RRP1: variants seen among roughly 807,000 people sequenced by gnomAD.
RRP1 encodes the protein ribosomal RNA processing 1.
A neutral mutation model predicts 54.6 loss-of-function variants in RRP1; 37 were observed. The observed-to-expected ratio is 0.68, with a 90% CI of 0.52 to 0.89. The LOEUF (loss-of-function observed/expected upper bound fraction) is 0.89. Among genes scored for constraint, RRP1 ranks in the 40% least tolerant of loss-of-function variants. The pLI, the probability that RRP1 is intolerant of heterozygous loss-of-function variation, is 0.00. For missense variants in RRP1, 639 were observed against 612.5 expected (o/e 1.04, Z -0.46); for synonymous variants, 262 against 244.3 (o/e 1.07, Z -0.67).
intron 7 of RRP1, 94 bp from the exon 8 acceptor site, chr21:43,797,813 G>A (rs1357830894): frequency 2.1e-5 from 33 of 1,558,994 alleles, no homozygotes; most frequent in Non-Finnish European, 2.6e-5. Flanking sequence ...GCCGCTGGCC[G>A]TGTGGGTGGG....
At chr21:43,793,527 T>TG in intron 4 of RRP1, 123 bp downstream of exon 4, 2 of 754,130 alleles carry the variant, frequency 2.7e-6, no homozygotes, top group Admixed American at 4.6e-5. Flanking sequence ...AAGCCAGGGG[T>TG]GGGAGGTGGA....
Position 43,797,660 on chromosome 21 carries a change from C to T in RRP1, c.582C>T (p.Ile194=), listed in dbSNP as rs775739278. 1.1e-5 allele frequency: 17 copies of T among 1,613,992 alleles called. No individual in the cohort carries two copies. Among genetic ancestry groups the T allele is most frequent in the Admixed American group, 6.7e-5 (4 of 59,998 alleles). ...CGGCAGACCAGAACCTGAAGTTCAT[C>T]GACCCCTTCTGCAGAATTGCTGCCC... ...ELTADQNLKF[I]DPFCRIAART... The change falls in exon 7 of 13, where the codon ATC becomes ATT. Residue 194 remains isoleucine, a synonymous_variant. Transcript: ENST00000497547.
In RRP1 at chr21:43,804,050, G is replaced by A. The variant is rs542400948; in HGVS notation, c.*276G>A. ...AACTCTGCCTGCAGCAGGACTGGCC[G>A]CCCCTGCTGTGGGGGGTTCAGAAAA... On this transcript the variant is annotated 3_prime_UTR_variant, in exon 13 of 13. Transcript: ENST00000497547. This position sits in a 1 kb window ranked among gnomAD's most constrained non-coding sequence, Gnocchi z 4.3. 1.0e-4 allele frequency: 44 copies of A among 428,262 alleles called. No individual in the cohort carries two copies. The highest frequency in any genetic ancestry group is 7.9e-4 in the African/African-American group (39 of 49,560). 26.5% of individuals were successfully genotyped at this position (428,262 alleles called of 1,614,324 possible). A position where few individuals can be genotyped will look rare whatever the true frequency, so the allele number is the denominator to read the frequency against.
chr21:43,795,370 C>G lies in RRP1; in HGVS notation c.422+120C>G, dbSNP rs572675231. 1,637 of 922,536 alleles carry G rather than the reference C, an allele frequency of 1.8e-3. 10 individuals are homozygous for G. Among genetic ancestry groups the G allele is most frequent in the Middle Eastern group, 1.9e-3 (9 of 4,626 alleles). 57.1% of individuals were successfully genotyped at this position (922,536 alleles called of 1,614,324 possible). ...CTTTATATTAACGCATGCCCCCAAT[C>G]GTGCTTAGAGAGAAGATAGTTTTTA... is the stretch of plus-strand genomic sequence containing the variant. On this transcript the variant is annotated intron_variant, in intron 5 of 12. Coordinates refer to ENST00000497547, the MANE Select transcript of RRP1 (RefSeq NM_003683.6).
chr21:43,800,083 G>A lies in RRP1; in HGVS notation c.891+434G>A, dbSNP rs191027511. On this transcript the variant is annotated intron_variant, in intron 9 of 12. Coordinates refer to ENST00000497547, the MANE Select transcript of RRP1 (RefSeq NM_003683.6). ...CTCAGCCAGTGGGGTCTGACTTCAGGCAAATTGGAAACTTAAATGTTTTAA... is the reference window on the plus strand; with the variant it reads ...CTCAGCCAGTGGGGTCTGACTTCAGACAAATTGGAAACTTAAATGTTTTAA... Among the ~76,000 whole-genome samples the A allele has an allele frequency of 5.0e-3, 757 of 152,358 alleles. 6 individuals carry two copies. The highest frequency in any genetic ancestry group is 9.3e-3 in the Non-Finnish European group (632 of 68,034).
chr21:43,803,127 A>T (rs2085110293), intron 12 of RRP1, among the ~76,000 whole-genome samples: 1 of 152,228 alleles, frequency 6.6e-6, no homozygotes, highest in Non-Finnish European at 1.5e-5. Flanking sequence ...ATTTCCCATG[A>T]GGCAGTGGCC....
Position 43,800,564 on chromosome 21 carries a change from C to T in RRP1, c.939C>T (p.Arg313=), listed in dbSNP as rs199611237. The T allele has an allele frequency of 5.0e-6, 8 of 1,614,288 alleles. No individual in the cohort carries two copies. The highest frequency in any genetic ancestry group is 5.1e-6 in the Non-Finnish European group (6 of 1,180,054). ...VANRLFEMAS[R]QSTPSQNRKR... is the part of the protein sequence containing the mutation. The stretch of plus-strand genomic sequence containing the variant: ...ACAGACTGTTTGAAATGGCCAGCCG[C>T]CAGAGCACCCCTTCTCAGAACAGAA... The change falls in exon 10 of 13, where the codon CGC becomes CGT. Residue 313 remains arginine, a synonymous_variant. Coordinates refer to ENST00000497547, the MANE Select transcript of RRP1 (RefSeq NM_003683.6).
chr21:43,791,911 A>G (rs1048387611), intron 2 of RRP1, among the ~76,000 whole-genome samples: 2 of 152,268 alleles, frequency 1.3e-5, no homozygotes, highest in African/African-American at 2.4e-5. Context: ...TGAGTCTTAC[A>G]CTTGCTGAGG....
chr21:43,800,572 C>A lies in RRP1; in HGVS notation c.947C>A (p.Thr316Asn). The A allele has an allele frequency of 1.2e-6, 2 of 1,614,264 alleles. No individual in the cohort carries two copies. The highest frequency in any genetic ancestry group is 8.5e-7 in the Non-Finnish European group (1 of 1,180,052). ...RLFEMASRQS[T>N]PSQNRKRLYK... ...TTTGAAATGGCCAGCCGCCAGAGCACCCCTTCTCAGAACAGAAAGCGTCTC... is the reference window on the plus strand; with the variant it reads ...TTTGAAATGGCCAGCCGCCAGAGCAACCCTTCTCAGAACAGAAAGCGTCTC... The change falls in exon 10 of 13, where the codon ACC becomes AAC. Residue 316 changes from threonine (T) to asparagine (N), a missense_variant. By Grantham distance (65) the Thr-to-Asn change is moderately conservative. Transcript: ENST00000497547.
intron 1 of RRP1, 82 bp downstream of exon 1, chr21:43,789,844 G>A (rs1044224753): frequency 8.0e-6 from 11 of 1,383,554 alleles, no homozygotes; most frequent in Non-Finnish European, 9.4e-6. Flanking sequence ...GGAGCTGGGG[G>A]CCCTCCGAGC....
Position 43,803,964 on chromosome 21 carries a change from C to A in RRP1, c.*190C>A. On this transcript the variant is annotated 3_prime_UTR_variant, in exon 13 of 13. Coordinates refer to ENST00000497547, the MANE Select transcript of RRP1 (RefSeq NM_003683.6). ...AGCATCCCAGGAACTGGACCTTTCC[C>A]CAGAGCCTCCGCCTGTGGCTGTGAT... 3.0e-6 allele frequency: 2 copies of A among 667,198 alleles called. No individual in the cohort carries two copies. The highest frequency in any genetic ancestry group is 4.8e-6 in the Non-Finnish European group (2 of 418,794). The allele number at this position is 667,198 out of a possible 1,614,324, so 41.3% of individuals were successfully genotyped here.
chr21:43,799,755 GCATGGAGAGTTA>G, intron 9 of RRP1, 106 bp downstream of exon 9: 3 of 1,098,586 alleles, frequency 2.7e-6, no homozygotes, highest in Non-Finnish European at 4.0e-6. Flanking sequence ...GCAGCTGTTG[GCATGGAGAGTTA>G]CCCGGACAGG....
chr21:43,793,137 C>T (rs2084977866), intron 3 of RRP1, 182 bp from the exon 4 acceptor site: 2 of 606,678 alleles, frequency 3.3e-6, no homozygotes, highest in Non-Finnish European at 5.8e-6. Flanking sequence ...ACTTGAGGAG[C>T]CTCTAAAAAT....
At chr21:43,790,326 C>T (rs1278235394) in intron 1 of RRP1, among the ~76,000 whole-genome samples, 4 of 152,166 alleles carry the variant, frequency 2.6e-5, no homozygotes, top group Non-Finnish European at 1.5e-5. Context: ...CTACTTGGCA[C>T]GTCGATGTGG....
intron 9 of RRP1, among the ~76,000 whole-genome samples, chr21:43,800,150 A>G (rs7277203): frequency 0.015 from 2,083 of 137,200 alleles, 42 homozygotes; most frequent in African/African-American, 0.049. Context: ...AAATGTGGCT[A>G]TCTTGGGTTA....
chr21:43,797,415 TC>T lies in RRP1; in HGVS notation c.423-5del, dbSNP rs2085031318. 6.2e-7 allele frequency: 1 copy of T among 1,607,814 alleles called. No individual in the cohort carries two copies. The highest frequency in any genetic ancestry group is 8.5e-7 in the Non-Finnish European group (1 of 1,179,088). On this transcript the variant is annotated splice_polypyrimidine_tract_variant and splice_region_variant and intron_variant, in intron 5 of 12. Transcript: ENST00000497547. Reference sequence around the variant, plus strand: ...CTGCCTGTCATGTTTGCTTTTTCTTTCCTCAGACAGATCGAGGAGCTGCTAG... The same window carrying T: ...CTGCCTGTCATGTTTGCTTTTTCTTTCTCAGACAGATCGAGGAGCTGCTAG...
chr21:43,800,438 G>C (rs2085074030), intron 9 of RRP1, 79 bp from the exon 10 acceptor site: 2 of 1,327,948 alleles, frequency 1.5e-6, no homozygotes, highest in Admixed American at 3.6e-5. Flanking sequence ...AGTGCTATCT[G>C]GGTCTCAGGG....
At chr21:43,798,222 A>T (rs1569015976) in intron 8 of RRP1, 122 bp downstream of exon 8, 1 of 800,242 alleles carries the variant, frequency 1.2e-6, no homozygotes, top group Middle Eastern at 3.7e-4. Context: ...CCCTCTCCAC[A>T]GTCCATCCTC....
intron 5 of RRP1, among the ~76,000 whole-genome samples, chr21:43,795,994 G>T (rs536164851): frequency 6.6e-6 from 1 of 152,140 alleles, no homozygotes; most frequent in Non-Finnish European, 1.5e-5. Flanking sequence ...ACAAAAATTA[G>T]ATAAATGCAT....
Sources: gnomAD v4.1 joint callset for allele counts (sites outside exome capture counted in the v4.1 genomes callset) on GRCh38, gnomAD v4.1.1 for gene constraint, Gnocchi (gnomAD v3.1) non-coding constraint, MANE v1.5 for transcripts, NCBI Gene and HGNC (gene_info 2026-07-23, HGNC 2026-07-21) for gene names.